Variants in ITGBL1 observed in about 807,000 individuals in gnomAD.
ITGBL1 encodes integrin subunit beta like 1, also known as integrin beta-like protein 1.
ITGBL1 carries 51 observed loss-of-function variants against 68.5 expected under a neutral mutation model. That is an observed-to-expected ratio of 0.74 (90% confidence interval 0.59 to 0.94). The LOEUF (loss-of-function observed/expected upper bound fraction) is 0.94. Among genes scored for constraint, ITGBL1 ranks in the 40% least tolerant of loss-of-function variants. The pLI, the probability that ITGBL1 is intolerant of heterozygous loss-of-function variation, is 0.00. For synonymous variants in ITGBL1, 209 were observed against 227.3 expected (o/e 0.92, Z 0.72); for missense variants, 649 against 647.4 (o/e 1.00, Z -0.03).
chr13:101,639,060 G>A (rs899275755), intron 7 of ITGBL1, among the ~76,000 whole-genome samples: 24 of 152,234 alleles, frequency 1.6e-4, no homozygotes, highest in East Asian at 9.7e-4. Flanking sequence ...ACAAGCATAT[G>A]GTTTTCTCTC....
At chr13:101,682,025 A>G (rs79574552) in intron 7 of ITGBL1, among the ~76,000 whole-genome samples, 2 of 152,340 alleles carry the variant, frequency 1.3e-5, no homozygotes, top group Non-Finnish European at 2.9e-5. Context: ...ACAACTTTCC[A>G]TAAGGCAGTG....
downstream of ITGBL1, chr13:101,720,569 T>A (rs1566810165): frequency 2.0e-5 from 3 of 151,042 alleles, no homozygotes; most frequent in African/African-American, 7.3e-5. Context: ...TGTGTGTATA[T>A]GTGTGTGTTT....
At chr13:101,505,427 A>G (rs370141555) in intron 2 of ITGBL1, among the ~76,000 whole-genome samples, 6 of 152,308 alleles carry the variant, frequency 3.9e-5, no homozygotes, top group Admixed American at 3.3e-4. Flanking sequence ...ATGTGATGAA[A>G]TGTTGGAGAG....
rs149197634 is a variant in ITGBL1, at chr13:101,598,477, C to T, written c.1015+178C>T. 2.8e-4 allele frequency among the ~76,000 whole-genome samples: 42 copies of T among 151,256 alleles called. No individual in the cohort carries two copies. The Middle Eastern group carries it at 0.014, about 49-fold the overall frequency. ...TATTTTAAGTTTTAGTGTACATGTG[C>T]GCAATGTGCAGGTTTGTTACATATG... On this transcript the variant is annotated intron_variant, in intron 7 of 10. Coordinates refer to ENST00000376180, the MANE Select transcript of ITGBL1 (RefSeq NM_004791.3).
At chr13:101,635,997 TAAAG>T (rs1442417043) in intron 7 of ITGBL1, among the ~76,000 whole-genome samples, 2 of 152,226 alleles carry the variant, frequency 1.3e-5, no homozygotes, top group African/African-American at 2.4e-5. Flanking sequence ...TATTAAAAAT[TAAAG>T]AACATAAAAA....
intron 7 of ITGBL1, among the ~76,000 whole-genome samples, chr13:101,616,000 A>G (rs1406891025): frequency 3.3e-5 from 5 of 152,098 alleles, no homozygotes; most frequent in Non-Finnish European, 2.9e-5. Flanking sequence ...TTTATGAGCT[A>G]CTCATCTATG....
chr13:101,694,310 A>G (rs1163420515), intron 8 of ITGBL1, among the ~76,000 whole-genome samples: 1 of 152,184 alleles, frequency 6.6e-6, no homozygotes, highest in African/African-American at 2.4e-5. Flanking sequence ...TATCATAGCA[A>G]TATGTATGTA....
rs747662212 is a variant in ITGBL1 at position 101,709,371 on chromosome 13, CAAAAAAAAAAA to C, written c.1279+2486_1279+2496del. 2.1e-4 allele frequency among the ~76,000 whole-genome samples: 13 copies of C among 61,198 alleles called. No individual in the cohort carries two copies. The South Asian group carries it at 7.0e-3, about 33-fold the overall frequency. 40.1% of individuals were successfully genotyped at this position (61,198 alleles called of 152,430 possible). On this transcript the variant is annotated intron_variant, in intron 9 of 10. Transcript: ENST00000376180. ...TGGGTGACAGAGCGAGACTCCGTCT[CAAAAAAAAAAA>C]AAAAAAAAAAAAAAAAGAAAAGCAG...
intron 2 of ITGBL1, among the ~76,000 whole-genome samples, chr13:101,497,981 G>T (rs1291959020): frequency 6.6e-6 from 1 of 151,882 alleles, no homozygotes; most frequent in Non-Finnish European, 1.5e-5. Flanking sequence ...GGGAGATTTT[G>T]TCTGATCAGG....
At chr13:101,488,588 C>G (rs1020227032) in intron 2 of ITGBL1, among the ~76,000 whole-genome samples, 5 of 152,164 alleles carry the variant, frequency 3.3e-5, no homozygotes, top group Non-Finnish European at 7.3e-5. Context: ...AGCGGAAGAA[C>G]AGAACATGTT....
intron 7 of ITGBL1, among the ~76,000 whole-genome samples, chr13:101,690,458 G>T (rs2033858601): frequency 6.6e-6 from 1 of 152,092 alleles, no homozygotes; most frequent in African/African-American, 2.4e-5. Context: ...TATGTAACTG[G>T]AATGCATTGC....
chr13:101,628,352 G>A (rs961734363), intron 7 of ITGBL1, among the ~76,000 whole-genome samples: 3 of 151,618 alleles, frequency 2.0e-5, no homozygotes, highest in Non-Finnish European at 2.9e-5. Flanking sequence ...AACTTTATCA[G>A]ATATGTCTTT....
chr13:101,537,620 C>T (rs554485441), intron 2 of ITGBL1, among the ~76,000 whole-genome samples: 1 of 152,106 alleles, frequency 6.6e-6, no homozygotes, highest in East Asian at 1.9e-4. Flanking sequence ...ATCATCTTAA[C>T]AAAACTAAAT....
chr13:101,708,016 C>T (rs1341056816), intron 9 of ITGBL1, among the ~76,000 whole-genome samples: 1 of 145,140 alleles, frequency 6.9e-6, no homozygotes, highest in Non-Finnish European at 1.5e-5. Flanking sequence ...TCCCATCCTA[C>T]ACACATGCAA....
At chr13:101,659,159 A>G (rs1362458172) in intron 7 of ITGBL1, among the ~76,000 whole-genome samples, 1 of 141,676 alleles carries the variant, frequency 7.1e-6, no homozygotes, top group Non-Finnish European at 1.6e-5. Context: ...TCCCATGTTC[A>G]AGGGATTCCC....
At chr13:101,528,169 G>A (rs773254319) in intron 2 of ITGBL1, among the ~76,000 whole-genome samples, 8 of 150,936 alleles carry the variant, frequency 5.3e-5, no homozygotes, top group Non-Finnish European at 1.2e-4. Context: ...AATATTTAAT[G>A]GTTTATTAAT....
rs141926184 is a variant in ITGBL1, at chr13:101,620,047, A to G, written c.1015+21748A>G. ...ACACATTAACATATTTTAACCAAGC[A>G]TAATATGCATTATATTCCGTCGTTT... On this transcript the variant is annotated intron_variant, in intron 7 of 10. Coordinates refer to ENST00000376180, the MANE Select transcript of ITGBL1 (RefSeq NM_004791.3). Among the ~76,000 whole-genome samples, 505 of 152,318 alleles carry G rather than the reference A, an allele frequency of 3.3e-3. 2 individuals are homozygous for G. Among genetic ancestry groups the G allele is most frequent in the African/African-American group, 0.012 (481 of 41,568 alleles).
At chr13:101,523,344 C>T (rs117920558) in intron 2 of ITGBL1, among the ~76,000 whole-genome samples, 22 of 152,294 alleles carry the variant, frequency 1.4e-4, no homozygotes, top group African/African-American at 4.1e-4. Flanking sequence ...AAACCATCCT[C>T]TTTGTGAGAG....
chr13:101,605,217 C>T (rs1203749396), intron 7 of ITGBL1, among the ~76,000 whole-genome samples: 1 of 140,948 alleles, frequency 7.1e-6, no homozygotes, highest in Non-Finnish European at 1.5e-5. Context: ...TATATATACA[C>T]ATATAGACAT....
Sources: gnomAD v4.1 joint callset for allele counts (sites outside exome capture counted in the v4.1 genomes callset) on GRCh38, gnomAD v4.1.1 for gene constraint, MANE v1.5 for transcripts, NCBI Gene and HGNC (gene_info 2026-07-23, HGNC 2026-07-21) for gene names.